Variants in ARHGEF7 observed in about 807,000 individuals in gnomAD.
The protein encoded by ARHGEF7 is PAK-interacting exchange factor beta.
ARHGEF7 carries 33 observed loss-of-function variants against 109.8 expected under a neutral mutation model. The observed-to-expected ratio is 0.30, with a 90% confidence interval of 0.23 to 0.40. The LOEUF is 0.40. ARHGEF7 is among the 10% of genes least tolerant of loss of function. The pLI is 1.00. For synonymous variants in ARHGEF7, 458 were observed against 424.6 expected, an observed-to-expected ratio of 1.08 and a Z score of -0.97; for missense variants, 938 against 1,098.5, an observed-to-expected ratio of 0.85 and a Z score of 2.07.
intron 3 of ARHGEF7, among the ~76,000 whole-genome samples, chr13:111,208,380 A>G (rs2082128508): frequency 6.6e-6 from 1 of 152,238 alleles, no homozygotes; most frequent in Admixed American, 6.5e-5. Flanking sequence ...ATTGGCAAAC[A>G]GTAAGACAAC....
intron 2 of ARHGEF7, among the ~76,000 whole-genome samples, chr13:111,156,924 G>C (rs1427495724): frequency 6.6e-6 from 1 of 152,176 alleles, no homozygotes; most frequent in Non-Finnish European, 1.5e-5. Context: ...AATTGTGTTT[G>C]TAACAGATTG....
chr13:111,162,816 A>G (rs2076848080), intron 2 of ARHGEF7, among the ~76,000 whole-genome samples: 1 of 152,258 alleles, frequency 6.6e-6, no homozygotes, highest in Admixed American at 6.5e-5. Context: ...CACTTTTGAA[A>G]GAATTAAAAT....
chr13:111,228,413 G>A lies in ARHGEF7; in HGVS notation c.671-4792G>A, dbSNP rs1314417494. Among the ~76,000 whole-genome samples, 1 of 152,206 alleles carries A rather than the reference G, an allele frequency of 6.6e-6. No individual in the cohort carries two copies. Among genetic ancestry groups the A allele is most frequent in the Non-Finnish European group, 1.5e-5 (1 of 68,040 alleles). On this transcript the variant is annotated intron_variant, in intron 5 of 21. Transcript: ENST00000646102. The surrounding 1 kb of genome is among the most constrained non-coding windows in gnomAD (Gnocchi z 4.6). ...TGCTAACACTGAAGTGTTGGTGAGT[G>A]GAGATGACCTCATCTCTGAGACTTG...
chr13:111,256,571 C>T (rs2090448157), intron 8 of ARHGEF7, among the ~76,000 whole-genome samples: 1 of 152,220 alleles, frequency 6.6e-6, no homozygotes, highest in Admixed American at 6.5e-5. Flanking sequence ...GTGCCGATCT[C>T]TGTGGAGACC....
chr13:111,203,703 G>A (rs546299309), intron 2 of ARHGEF7, among the ~76,000 whole-genome samples: 1 of 152,292 alleles, frequency 6.6e-6, no homozygotes, highest in East Asian at 1.9e-4. Flanking sequence ...GTTTTTCAAA[G>A]TCTGGTTCTT....
At position 111,292,027 on chromosome 13, in the gene ARHGEF7, C is replaced by A. The variant is rs572303959; in HGVS notation, c.2135-91C>A. On this transcript the variant is annotated intron_variant, in intron 18 of 21. Transcript: ENST00000646102. Reference sequence around the variant, plus strand: ...TTCCTTCTCTTCCCATCACCTTTTGCTTTTGTTCCATGTTTTGGTTGTGGC... The same window carrying A: ...TTCCTTCTCTTCCCATCACCTTTTGATTTTGTTCCATGTTTTGGTTGTGGC... The A allele has an allele frequency of 8.9e-4, 977 of 1,092,112 alleles. 1 individual carries two copies. The highest frequency in any genetic ancestry group is 1.2e-3 in the Non-Finnish European group (905 of 745,230). 67.7% of individuals were successfully genotyped at this position (1,092,112 alleles called of 1,614,324 possible).
intron 15 of ARHGEF7, among the ~76,000 whole-genome samples, chr13:111,282,639 C>A (rs552708403): frequency 6.6e-6 from 1 of 152,294 alleles, no homozygotes; most frequent in African/African-American, 2.4e-5. Context: ...CACAGGCCTG[C>A]CTGTGTGCCA....
chr13:111,284,694 C>T (rs907241466), intron 16 of ARHGEF7, among the ~76,000 whole-genome samples: 5 of 152,194 alleles, frequency 3.3e-5, no homozygotes, highest in South Asian at 2.1e-4. Flanking sequence ...GGGCTCACAC[C>T]GAGCAGCTGC....
chr13:111,115,972 G>A (rs2066732635), intron 1 of ARHGEF7, among the ~76,000 whole-genome samples: 1 of 151,886 alleles, frequency 6.6e-6, no homozygotes, highest in African/African-American at 2.4e-5. Context: ...AGGAGACGGG[G>A]CTTCTGCGCC....
At chr13:111,271,452 G>A (rs960259274) in intron 9 of ARHGEF7, among the ~76,000 whole-genome samples, 1 of 152,180 alleles carries the variant, frequency 6.6e-6, no homozygotes, top group African/African-American at 2.4e-5. Context: ...CAGCCTGTAC[G>A]GTGAGCAGGA....
chr13:111,254,480 G>A (rs536058354), intron 8 of ARHGEF7, among the ~76,000 whole-genome samples: 3 of 140,936 alleles, frequency 2.1e-5, no homozygotes, highest in Admixed American at 6.9e-5. Flanking sequence ...CATGAAGGCC[G>A]GCCTCAGAAG....
intron 6 of ARHGEF7, among the ~76,000 whole-genome samples, chr13:111,233,826 A>G (rs1258793829): frequency 2.0e-5 from 3 of 152,202 alleles, no homozygotes; most frequent in Admixed American, 2.0e-4. Flanking sequence ...GCTGCTTAAT[A>G]TGTTCAGTAT....
intron 8 of ARHGEF7, among the ~76,000 whole-genome samples, chr13:111,246,675 A>G (rs2088905166): frequency 6.6e-6 from 1 of 152,256 alleles, no homozygotes; most frequent in African/African-American, 2.4e-5. Flanking sequence ...TTACATGACC[A>G]TGAAAGAATA....
At chr13:111,285,820 G>A (rs1032196721) in intron 16 of ARHGEF7, among the ~76,000 whole-genome samples, 11 of 151,976 alleles carry the variant, frequency 7.2e-5, no homozygotes, top group Admixed American at 1.3e-4. Context: ...CCTCAGGAGC[G>A]TGCAGGATGT....
At chr13:111,271,899 G>A (rs2092182110) in intron 9 of ARHGEF7, among the ~76,000 whole-genome samples, 1 of 152,150 alleles carries the variant, frequency 6.6e-6, no homozygotes, top group Non-Finnish European at 1.5e-5. Context: ...GTGTTTATTG[G>A]AAGTATTTCT....
chr13:111,288,167 ATTTAT>A (rs1232621355), intron 17 of ARHGEF7, among the ~76,000 whole-genome samples, 182 bp from the exon 18 acceptor site: 1 of 152,152 alleles, frequency 6.6e-6, no homozygotes, highest in Non-Finnish European at 1.5e-5. Context: ...TTTTATTTGC[ATTTAT>A]TTTATTTTAT....
chr13:111,234,629 C>T (rs2086552138), intron 6 of ARHGEF7, among the ~76,000 whole-genome samples: 1 of 152,192 alleles, frequency 6.6e-6, no homozygotes, highest in African/African-American at 2.4e-5. Flanking sequence ...TGCCACTTCT[C>T]TTACATTAGT....
intron 2 of ARHGEF7, among the ~76,000 whole-genome samples, chr13:111,188,887 T>TG (rs567921012): frequency 6.6e-6 from 1 of 152,254 alleles, no homozygotes; most frequent in Non-Finnish European, 1.5e-5. Flanking sequence ...TAAGTTCTGT[T>TG]GGGGAAATTA....
chr13:111,270,509 C>T (rs1465361591), intron 9 of ARHGEF7, among the ~76,000 whole-genome samples: 3 of 151,938 alleles, frequency 2.0e-5, no homozygotes, highest in African/African-American at 7.3e-5. Context: ...TTTGTTCTGG[C>T]ATTGTAAGAG....
Sources: allele counts gnomAD v4.1 joint callset (sites outside exome capture counted in the v4.1 genomes callset), GRCh38; gene constraint gnomAD v4.1.1; non-coding constraint Gnocchi (gnomAD v3.1); transcripts MANE v1.5; gene names NCBI Gene and HGNC (gene_info 2026-07-23, HGNC 2026-07-21).